Variants in TUBAL3 observed in about 807,000 individuals in gnomAD.
The protein encoded by TUBAL3 is tubulin alpha like 3.
Under a neutral mutation model 15.5 loss-of-function variants are expected in TUBAL3, and 16 were observed. The observed-to-expected ratio is 1.04, with a 90% CI of 0.70 to 1.57. TUBAL3 has a LOEUF of 1.57. Among genes scored for constraint, TUBAL3 ranks in the 40% most tolerant of loss-of-function variants. The probability of loss-of-function intolerance (pLI) is 0.00; values close to 1 mark genes in which losing one functional copy is unlikely to be tolerated. For synonymous variants in TUBAL3, 238 were observed against 224.3 expected (o/e 1.06, Z -0.55); for missense variants, 609 against 576.2 (o/e 1.06, Z -0.58).
rs782665803 is a variant in TUBAL3, at chr10:5,393,689, G to A, written c.1169C>T (p.Ala390Val). The stretch of plus-strand genomic sequence containing the variant: ...CAGGCGGGCCCAGGCCTCCACAATC[G>A]CCGTGGTGTTGCTCAGCATGCAGAT... ...RSICMLSNTT[A>V]IVEAWARLDH... Residue 390 changes from alanine to valine, a missense_variant, in exon 4 of 4, where the codon GCG (alanine) becomes GTG (valine). Ala to Val is a moderately conservative substitution (Grantham distance 64). Coordinates refer to ENST00000380419, the MANE Select transcript of TUBAL3 (RefSeq NM_024803.3). 22 of 1,614,054 alleles carry A rather than the reference G, an allele frequency of 1.4e-5. No individual in the cohort carries two copies. The highest frequency in any genetic ancestry group is 6.7e-5 in the East Asian group (3 of 44,894).
intron 1 of TUBAL3, among the ~76,000 whole-genome samples, chr10:5,401,430 ATGTGTGTGTG>A (rs5782825): frequency 1.3e-5 from 2 of 149,840 alleles, no homozygotes; most frequent in Admixed American, 1.3e-4. Context: ...TATAGGTGAG[ATGTGTGTGTG>A]TGTGTGTGTG....
At chr10:5,400,120 G>GT (rs1156436730) in intron 2 of TUBAL3, among the ~76,000 whole-genome samples, 2 of 152,098 alleles carry the variant, frequency 1.3e-5, no homozygotes, top group Admixed American at 6.5e-5. Flanking sequence ...AAATTGTACT[G>GT]TTTTTCCCAT....
At chr10:5,403,571 C>T (rs956171318) in intron 1 of TUBAL3, among the ~76,000 whole-genome samples, 5 of 151,612 alleles carry the variant, frequency 3.3e-5, no homozygotes, top group South Asian at 4.2e-4. Flanking sequence ...TTCCTCTTCA[C>T]GTGGTCTGTT....
At position 5,393,904 on chromosome 10, in the gene TUBAL3, C is replaced by A; in HGVS notation, c.954G>T (p.Lys318Asn). The change falls in exon 4 of 4, where the codon AAG becomes AAT. Residue 318 changes from lysine (K) to asparagine (N), a missense_variant. Lys to Asn is a moderately conservative substitution (Grantham distance 94). Transcript: ENST00000380419. ...QLVKCDPRLG[K>N]YMACCLLYRG... is the part of the protein sequence containing the mutation. ...TATAGAGTAGGCAGCAGGCCATGTA[C>A]TTCCCAAGCCGAGGATCACACTTGA... 1 of 1,614,238 alleles carries A rather than the reference C, an allele frequency of 6.2e-7. No homozygotes were observed. Among genetic ancestry groups the A allele is most frequent in the Non-Finnish European group, 8.5e-7 (1 of 1,180,056 alleles).
intron 1 of TUBAL3, among the ~76,000 whole-genome samples, chr10:5,402,157 T>C (rs890292520): frequency 3.3e-5 from 5 of 152,198 alleles, no homozygotes; most frequent in African/African-American, 1.2e-4. Context: ...GGTAGTGATT[T>C]TATTTTCTTG....
rs1554814037 is a variant in TUBAL3 at position 5,395,426 on chromosome 10, G to A, written c.297C>T (p.Leu99=). Residue 99 remains leucine, a synonymous_variant, in exon 3 of 4, where the codon CTC becomes CTT. Coordinates refer to ENST00000380419, the MANE Select transcript of TUBAL3 (RefSeq NM_024803.3). This position sits in a 1 kb window ranked among gnomAD's most constrained non-coding sequence, Gnocchi z 4.6. ...QHRSLFHPEQ[L]LSGKEDAANN... The stretch of plus-strand genomic sequence containing the variant: ...TAGCAGCATCCTCCTTTCCGCTAAG[G>A]AGCTGCTCGGGGTGGAAGAGTGAAC... The A allele has an allele frequency of 6.2e-7, 1 of 1,604,440 alleles. No homozygotes were observed. The highest frequency in any genetic ancestry group is 1.3e-5 in the African/African-American group (1 of 74,502).
chr10:5,393,559 T>A lies in TUBAL3; in HGVS notation c.1299A>T (p.Ala433=). The A allele has an allele frequency of 6.2e-7, 1 of 1,613,862 alleles. No homozygotes were observed. The highest frequency in any genetic ancestry group is 1.7e-5 in the Admixed American group (1 of 60,012). The stretch of plus-strand genomic sequence containing the variant: ...CTTCCTCATAGTCCCTCTCCAGGGC[T>A]GCCAGATCTTCCCTGGCCTCCAAGA... ...AEFLEAREDL[A]ALERDYEEVA... Residue 433 remains alanine, a synonymous_variant, in exon 4 of 4, where the codon GCA becomes GCT. Transcript: ENST00000380419.
rs1157657101 is a variant in TUBAL3 at position 5,395,617 on chromosome 10, T to A, written c.248-142A>T. 2.1e-6 allele frequency: 2 copies of A among 946,942 alleles called. No individual in the cohort carries two copies. The highest frequency in any genetic ancestry group is 2.9e-6 in the Non-Finnish European group (2 of 686,170). The allele number at this position is 946,942 out of a possible 1,614,324, so 58.7% of individuals were successfully genotyped here. On this transcript the variant is annotated intron_variant, in intron 2 of 3. Transcript: ENST00000380419. This position sits in a 1 kb window ranked among gnomAD's most constrained non-coding sequence, Gnocchi z 4.6. Reference sequence around the variant, plus strand: ...TGGTCCAGGAATGGAATTTAGATAGTGCTGAATTAGCCCGTCTTAGTCCAG... The same window carrying A: ...TGGTCCAGGAATGGAATTTAGATAGAGCTGAATTAGCCCGTCTTAGTCCAG...
intron 1 of TUBAL3, among the ~76,000 whole-genome samples, chr10:5,402,240 C>T (rs1478250229): frequency 2.0e-5 from 3 of 151,848 alleles, no homozygotes; most frequent in African/African-American, 7.3e-5. Context: ...TTAAGGCAAA[C>T]AACTATTCTG....
Position 5,397,740 on chromosome 10 carries a change from G to A in TUBAL3, c.248-2265C>T, listed in dbSNP as rs1400640647. ...TCCTTAACTACGGTGTCAGTCAGCT[G>A]CATTCCACTTCAATCATCATCACTC... On this transcript the variant is annotated intron_variant, in intron 2 of 3. Coordinates refer to ENST00000380419, the MANE Select transcript of TUBAL3 (RefSeq NM_024803.3). This position sits in a 1 kb window ranked among gnomAD's most constrained non-coding sequence, Gnocchi z 4.9. 3.3e-5 allele frequency among the ~76,000 whole-genome samples: 5 copies of A among 152,120 alleles called. No homozygotes were observed. The highest frequency in any genetic ancestry group is 1.2e-4 in the African/African-American group (5 of 41,398).
chr10:5,398,197 G>A (rs1179664381), intron 2 of TUBAL3, among the ~76,000 whole-genome samples: 1 of 152,084 alleles, frequency 6.6e-6, no homozygotes, highest in African/African-American at 2.4e-5. Context: ...GAGGCAGGTG[G>A]ATTACTGGAG....
In TUBAL3 at chr10:5,397,262, T is replaced by C. The variant is rs1588413142; in HGVS notation, c.248-1787A>G. Among the ~76,000 whole-genome samples the C allele has an allele frequency of 6.6e-6, 1 of 152,202 alleles. No individual in the cohort carries two copies. The highest frequency in any genetic ancestry group is 2.1e-4 in the South Asian group (1 of 4,828). ...GTGACCATGAATTTCTAAACTCCAA[T>C]TTTGCAACCTCTCAAATAATATTTA... On this transcript the variant is annotated intron_variant, in intron 2 of 3. Transcript: ENST00000380419. The surrounding 1 kb of genome is among the most constrained non-coding windows in gnomAD (Gnocchi z 4.9).
Position 5,394,422 on chromosome 10 carries a change from G to A in TUBAL3, c.436C>T (p.Arg146Ter), listed in dbSNP as rs200137159. ...CGGLQGFLIF[R>*]SFGGGTGSGF... ...GAACCAGTGCCTCCTCCAAAGCTTC[G>A]GAAAATCAAAAATCCCTGAAGTCCA... The change falls in exon 4 of 4, where the codon CGA becomes TGA. Residue 146 changes from arginine (R) to a stop codon, truncating the protein, a stop_gained. Coordinates refer to ENST00000380419, the MANE Select transcript of TUBAL3 (RefSeq NM_024803.3). LOFTEE classifies it low-confidence loss of function (END_TRUNC). The surrounding 1 kb of genome is among the most constrained non-coding windows in gnomAD (Gnocchi z 4.3). 414 of 1,611,636 alleles carry A rather than the reference G, an allele frequency of 2.6e-4. No individual in the cohort carries two copies. The highest frequency in any genetic ancestry group is 3.3e-4 in the Non-Finnish European group (393 of 1,179,144).
chr10:5,396,623 C>A lies in TUBAL3; in HGVS notation c.248-1148G>T, dbSNP rs555582197. Reference sequence around the variant, plus strand: ...CGGCAAACTCAAATGCCCACACGACCCAAATGCTGAGTGCATAAATGCATG... The same window carrying A: ...CGGCAAACTCAAATGCCCACACGACACAAATGCTGAGTGCATAAATGCATG... On this transcript the variant is annotated intron_variant, in intron 2 of 3. Transcript: ENST00000380419. The surrounding 1 kb of genome is among the most constrained non-coding windows in gnomAD (Gnocchi z 5.1). 7.9e-5 allele frequency among the ~76,000 whole-genome samples: 12 copies of A among 152,266 alleles called. No homozygotes were observed. The East Asian group carries it at 2.3e-3, about 29-fold the overall frequency.
chr10:5,394,802 C>A lies in TUBAL3; in HGVS notation c.397-341G>T, dbSNP rs547017711. On this transcript the variant is annotated intron_variant, in intron 3 of 3. Transcript: ENST00000380419. This position sits in a 1 kb window ranked among gnomAD's most constrained non-coding sequence, Gnocchi z 4.3. ...CTGAAGCAAAATAACATTCCCCCCA[C>A]GTCTATGCTCCATCTGGCATGCTGG... Among the ~76,000 whole-genome samples the A allele has an allele frequency of 6.6e-6, 1 of 152,204 alleles. No individual in the cohort carries two copies. The highest frequency in any genetic ancestry group is 2.4e-5 in the African/African-American group (1 of 41,456).
At chr10:5,399,550 G>A (rs781856087) in intron 2 of TUBAL3, among the ~76,000 whole-genome samples, 4 of 152,182 alleles carry the variant, frequency 2.6e-5, no homozygotes, top group South Asian at 2.1e-4. Flanking sequence ...CTAAGCCACC[G>A]GGTCCATGGT....
chr10:5,401,074 G>C lies in TUBAL3; in HGVS notation c.17C>G (p.Ser6Cys), dbSNP rs1831844773. 2.5e-6 allele frequency: 4 copies of C among 1,614,150 alleles called. No individual in the cohort carries two copies. Among genetic ancestry groups the C allele is most frequent in the Non-Finnish European group, 3.4e-6 (4 of 1,180,034 alleles). The change falls in exon 2 of 4, where the codon TCC (serine) becomes TGC (cysteine). Residue 6 changes from serine (S) to cysteine (C), a missense_variant. Physicochemically the swap from Ser to Cys is moderately radical, Grantham distance 112. Coordinates refer to ENST00000380419, the MANE Select transcript of TUBAL3 (RefSeq NM_024803.3). MRECLSIHIGQAGIQI... is the reference protein window; with the variant it reads MRECLCIHIGQAGIQI... ...GATGCCAGCTTGACCGATGTGGATG[G>C]AAAGGCACTCCCTCTAAAATAAGTC... is the stretch of plus-strand genomic sequence containing the variant.
At position 5,394,653 on chromosome 10, in the gene TUBAL3, G is replaced by A. The variant is rs1554813930; in HGVS notation, c.397-192C>T. On this transcript the variant is annotated intron_variant, in intron 3 of 3. Coordinates refer to ENST00000380419, the MANE Select transcript of TUBAL3 (RefSeq NM_024803.3). The surrounding 1 kb of genome is among the most constrained non-coding windows in gnomAD (Gnocchi z 4.3). ...CAAGGGGACTTCTGGAGTAGGCAAA[G>A]CACTTCAGAGCTTTACTATAAGCAG... Among the ~76,000 whole-genome samples, 1 of 152,212 alleles carries A rather than the reference G, an allele frequency of 6.6e-6. No homozygotes were observed. The highest frequency in any genetic ancestry group is 1.5e-5 in the Non-Finnish European group (1 of 68,036).
In TUBAL3 at chr10:5,395,768, T is replaced by C. The variant is rs1831755100; in HGVS notation, c.248-293A>G. 6.6e-6 allele frequency among the ~76,000 whole-genome samples: 1 copy of C among 152,168 alleles called. No individual in the cohort carries two copies. On this transcript the variant is annotated intron_variant, in intron 2 of 3. Coordinates refer to ENST00000380419, the MANE Select transcript of TUBAL3 (RefSeq NM_024803.3). The surrounding 1 kb of genome is among the most constrained non-coding windows in gnomAD (Gnocchi z 4.6). ...ATGGCTTAAAACAATAGGAATTTAT[T>C]TCCTAACAGCTCCAGAGGCTGGAAG...
Sources: gnomAD v4.1 joint callset for allele counts (sites outside exome capture counted in the v4.1 genomes callset) on GRCh38, gnomAD v4.1.1 for gene constraint, Gnocchi (gnomAD v3.1) non-coding constraint, MANE v1.5 for transcripts, NCBI Gene and HGNC (gene_info 2026-07-23, HGNC 2026-07-21) for gene names.